Variants in SEC62 observed in about 807,000 individuals in gnomAD.
SEC62 encodes the protein translocation protein SEC62.
In SEC62, 10 loss-of-function variants were observed where a neutral mutation model predicts 47.5. The ratio of observed to expected loss-of-function variants is 0.21; its 90% CI spans 0.13 to 0.36. The LOEUF is 0.36. Among genes scored for constraint, SEC62 ranks in the 10% least tolerant of loss-of-function variants. SEC62 has a pLI of 1.00. For missense variants in SEC62, 327 were observed against 464.1 expected (o/e 0.70, Z 2.71); for synonymous variants, 136 against 150.5 (o/e 0.90, Z 0.71).
In SEC62 at chr3:169,993,230, G is replaced by A; in HGVS notation, c.*167G>A. The A allele has an allele frequency of 1.7e-6, 1 of 599,432 alleles. No homozygotes were observed. Among genetic ancestry groups the A allele is most frequent in the Non-Finnish European group, 2.9e-6 (1 of 343,410 alleles). 37.1% of individuals were successfully genotyped at this position (599,432 alleles called of 1,614,324 possible). ...TCGGTCCTTCATTTTATAGAATATT[G>A]GCACTATTATTGGTACAGTTTAAAG... On this transcript the variant is annotated 3_prime_UTR_variant, in exon 8 of 8. Coordinates refer to ENST00000337002, the MANE Select transcript of SEC62 (RefSeq NM_003262.4).
chr3:169,971,267 G>A (rs1714692526), intron 1 of SEC62, among the ~76,000 whole-genome samples: 1 of 151,814 alleles, frequency 6.6e-6, no homozygotes, highest in Non-Finnish European at 1.5e-5. Context: ...TAGAGATGGA[G>A]TATCAGAAAG....
intron 1 of SEC62, among the ~76,000 whole-genome samples, chr3:169,971,203 T>C (rs1347868691): frequency 6.6e-6 from 1 of 152,058 alleles, no homozygotes; most frequent in African/African-American, 2.4e-5. Context: ...CCCAACTAGC[T>C]GGGACTACAA....
In SEC62 at chr3:169,997,960, C is replaced by T. The variant is rs985218045; in HGVS notation, c.*4897C>T. 2.0e-5 allele frequency: 3 copies of T among 152,194 alleles called. No individual in the cohort carries two copies. Among genetic ancestry groups the T allele is most frequent in the African/African-American group, 7.2e-5 (3 of 41,444 alleles). The allele number at this position is 152,194 out of a possible 1,614,324, so 9.4% of individuals were successfully genotyped here. ...TAAAACATATATTAGATATCTGCAA[C>T]AACTGTGATGTAACATGAAAATACC... On this transcript the variant is annotated 3_prime_UTR_variant, in exon 8 of 8. Coordinates refer to ENST00000337002, the MANE Select transcript of SEC62 (RefSeq NM_003262.4).
chr3:169,989,027 G>A (rs1230555261), intron 7 of SEC62, among the ~76,000 whole-genome samples: 1 of 151,802 alleles, frequency 6.6e-6, no homozygotes, highest in Non-Finnish European at 1.5e-5. Context: ...AGGAGTTAAT[G>A]TTTTAAAAAT....
At chr3:169,972,838 G>A (rs1320900863) in intron 1 of SEC62, among the ~76,000 whole-genome samples, 1 of 152,044 alleles carries the variant, frequency 6.6e-6, no homozygotes, top group East Asian at 1.9e-4. Context: ...ACAAATCTTT[G>A]CTGTTAACTG....
In SEC62 at chr3:169,996,963, G is replaced by T. The variant is rs1253732562; in HGVS notation, c.*3900G>T. The T allele has an allele frequency of 2.0e-5, 3 of 152,194 alleles. No individual in the cohort carries two copies. Among genetic ancestry groups the T allele is most frequent in the Non-Finnish European group, 4.4e-5 (3 of 68,046 alleles). The allele number at this position is 152,194 out of a possible 1,614,324, so 9.4% of individuals were successfully genotyped here. ...GGAACAAAAATTCCAATGAGGAATT[G>T]ACCTCTTTGTCAGATCCTTATCACC... On this transcript the variant is annotated 3_prime_UTR_variant, in exon 8 of 8. Coordinates refer to ENST00000337002, the MANE Select transcript of SEC62 (RefSeq NM_003262.4).
intron 6 of SEC62, among the ~76,000 whole-genome samples, chr3:169,987,198 A>G (rs1715129918): frequency 6.6e-6 from 1 of 151,950 alleles, no homozygotes; most frequent in African/African-American, 2.4e-5. Flanking sequence ...AGGCCAAGGC[A>G]GGGAGATGGC....
chr3:169,986,261 G>A (rs1180501728), intron 6 of SEC62, among the ~76,000 whole-genome samples: 1 of 152,120 alleles, frequency 6.6e-6, no homozygotes, highest in East Asian at 1.9e-4. Context: ...TTTAATTTTT[G>A]TAAAGGGCAG....
intron 7 of SEC62, among the ~76,000 whole-genome samples, chr3:169,989,950 AAT>A (rs1017610158): frequency 8.8e-5 from 13 of 148,258 alleles, no homozygotes; most frequent in African/African-American, 2.7e-4. Context: ...TATCGCATAT[AAT>A]ATATATCATG....
At chr3:169,978,964 C>T (rs1370563466) in intron 3 of SEC62, among the ~76,000 whole-genome samples, 1 of 152,102 alleles carries the variant, frequency 6.6e-6, no homozygotes, top group Non-Finnish European at 1.5e-5. Context: ...AACAAAATGA[C>T]GATGCATTTA....
intron 3 of SEC62, among the ~76,000 whole-genome samples, chr3:169,978,109 C>A (rs1375753794): frequency 1.3e-5 from 2 of 152,148 alleles, no homozygotes; most frequent in African/African-American, 2.4e-5. Flanking sequence ...GAAACCCCAT[C>A]TCTACTAAAA....
intron 5 of SEC62, chr3:169,985,470 G>C (rs2108286108): frequency 6.1e-6 from 1 of 164,390 alleles, no homozygotes; most frequent in African/African-American, 2.4e-5. Context: ...TTGAACTCCT[G>C]ACCTCAAGTG....
intron 2 of SEC62, among the ~76,000 whole-genome samples, 181 bp downstream of exon 2, chr3:169,975,897 CAT>C (rs747085851): frequency 6.6e-6 from 1 of 152,142 alleles, no homozygotes; most frequent in Non-Finnish European, 1.5e-5. Flanking sequence ...AAAAAGATAA[CAT>C]GTTTTCTAAT....
intron 5 of SEC62, chr3:169,985,087 T>C (rs930216833): frequency 6.6e-6 from 1 of 151,774 alleles, no homozygotes; most frequent in South Asian, 2.1e-4. Flanking sequence ...GAGAGAAAAG[T>C]GTGGAGTTGA....
At chr3:169,981,047 A>C (rs1191890524) in intron 3 of SEC62, among the ~76,000 whole-genome samples, 1 of 152,202 alleles carries the variant, frequency 6.6e-6, no homozygotes, top group Non-Finnish European at 1.5e-5. Flanking sequence ...CTTCATATTC[A>C]AATATGCCAC....
chr3:169,971,710 C>T (rs553259209), intron 1 of SEC62, among the ~76,000 whole-genome samples: 13 of 152,224 alleles, frequency 8.5e-5, no homozygotes, highest in Non-Finnish European at 1.5e-4. Flanking sequence ...TTCCCTATTG[C>T]GTAATATGTA....
chr3:169,967,081 A>G (rs1341682910), intron 1 of SEC62, among the ~76,000 whole-genome samples: 1 of 152,110 alleles, frequency 6.6e-6, no homozygotes, highest in Non-Finnish European at 1.5e-5. Flanking sequence ...GTGGAGCAGC[A>G]GGGGAAGGAA....
intron 3 of SEC62, 64 bp from the exon 4 acceptor site, chr3:169,982,643 A>G (rs759174321): frequency 1.3e-6 from 2 of 1,570,110 alleles, no homozygotes; most frequent in South Asian, 2.2e-5. Flanking sequence ...TCAGGTCTTG[A>G]TATTTTTGCT....
At chr3:169,976,311 TTAACTA>T (rs1353904101) in intron 2 of SEC62, among the ~76,000 whole-genome samples, 4 of 152,154 alleles carry the variant, frequency 2.6e-5, no homozygotes, top group African/African-American at 9.7e-5. Flanking sequence ...GAGGCTGCAG[TTAACTA>T]TGATCCCACC....
Sources: allele counts gnomAD v4.1 joint callset (sites outside exome capture counted in the v4.1 genomes callset), GRCh38; gene constraint gnomAD v4.1.1; transcripts MANE v1.5; gene names NCBI Gene and HGNC (gene_info 2026-07-23, HGNC 2026-07-21).